The following SPMIP2 variants were observed in gnomAD, a reference collection of about 807,000 sequenced individuals.
SPMIP2 encodes the protein sperm microtubule inner protein 2.
At chr4:159,015,118 T>C in the SPMIP2 span, among the ~76,000 whole-genome samples, 1 of 152,242 alleles carries the variant, frequency 6.6e-6, no homozygotes. Flanking sequence ...TCGTCAGATG[T>C]TGACTGACTC....
the SPMIP2 span, among the ~76,000 whole-genome samples, chr4:158,970,064 G>A: frequency 3.3e-5 from 5 of 152,296 alleles, no homozygotes; most frequent in African/African-American, 9.6e-5. Context: ...TTGTGAGGGC[G>A]GCCCTGGGTT....
chr4:158,986,869 T>C, the SPMIP2 span, among the ~76,000 whole-genome samples: 16 of 144,398 alleles, frequency 1.1e-4, no homozygotes, highest in South Asian at 2.5e-3. Context: ...AGAAAATTTT[T>C]GCAACCTACT....
the SPMIP2 span, among the ~76,000 whole-genome samples, chr4:158,917,491 A>G: frequency 6.6e-6 from 1 of 151,748 alleles, no homozygotes. Context: ...TTTCAGACAC[A>G]CACAGTCCTT....
chr4:159,041,285 C>A, the SPMIP2 span, among the ~76,000 whole-genome samples: 1 of 152,108 alleles, frequency 6.6e-6, no homozygotes, highest in Non-Finnish European at 1.5e-5. Context: ...AACACTTAGG[C>A]TTTTTCTATG....
chr4:158,926,245 G>A, the SPMIP2 span, among the ~76,000 whole-genome samples: 59 of 150,114 alleles, frequency 3.9e-4, 1 homozygote, highest in East Asian at 9.2e-3. Context: ...TAGTTTGTAC[G>A]TCACTTTCCA....
the SPMIP2 span, among the ~76,000 whole-genome samples, chr4:158,963,968 A>G: frequency 6.6e-6 from 1 of 152,024 alleles, no homozygotes; most frequent in Non-Finnish European, 1.5e-5. Context: ...ATCCTGGCTG[A>G]TACGGTGAAA....
the SPMIP2 span, among the ~76,000 whole-genome samples, chr4:159,031,308 A>C: frequency 6.6e-6 from 1 of 152,210 alleles, no homozygotes; most frequent in East Asian, 1.9e-4. Context: ...ACTTGGCTAT[A>C]ATCAAGCCTC....
At chr4:159,007,134 TG>T in the SPMIP2 span, 1 of 680,188 alleles carries the variant, frequency 1.5e-6, no homozygotes, top group Non-Finnish European at 2.7e-6. Flanking sequence ...CCAAGCCGTG[TG>T]GGGTGCGCCT....
chr4:158,921,449 A>T, the SPMIP2 span, among the ~76,000 whole-genome samples: 96,646 of 151,088 alleles, frequency 0.64, 31,216 homozygotes, highest in East Asian at 0.89. Context: ...CTCAAAATTT[A>T]AAAAAAAAAG....
At chr4:158,930,524 G>A in the SPMIP2 span, among the ~76,000 whole-genome samples, 2 of 144,854 alleles carry the variant, frequency 1.4e-5, no homozygotes, top group African/African-American at 5.2e-5. Context: ...TTTTTTTTAA[G>A]AGATTCTGTC....
chr4:159,004,014 G>T, the SPMIP2 span, among the ~76,000 whole-genome samples: 5 of 151,744 alleles, frequency 3.3e-5, no homozygotes, highest in Non-Finnish European at 4.4e-5. Context: ...GGTTTTTTTT[G>T]TTGTTGTTTT....
chr4:159,017,206 T>C, the SPMIP2 span, among the ~76,000 whole-genome samples: 1 of 152,084 alleles, frequency 6.6e-6, no homozygotes, highest in African/African-American at 2.4e-5. Context: ...CAATGATAGG[T>C]TCCTTCTGCA....
chr4:158,931,167 G>A, the SPMIP2 span, among the ~76,000 whole-genome samples: 4 of 151,888 alleles, frequency 2.6e-5, no homozygotes, highest in African/African-American at 7.3e-5. Flanking sequence ...CAAGTTCACT[G>A]ATTACTTTTT....
chr4:159,006,800 G>A, the SPMIP2 span, among the ~76,000 whole-genome samples: 1 of 152,168 alleles, frequency 6.6e-6, no homozygotes, highest in African/African-American at 2.4e-5. Context: ...TCAAACACAG[G>A]TAGGACAACC....
At chr4:158,973,203 C>T in the SPMIP2 span, 1 of 1,613,618 alleles carries the variant, frequency 6.2e-7, no homozygotes, top group Non-Finnish European at 8.5e-7. Flanking sequence ...TGAGGCAGGC[C>T]TCCATAAATA....
At chr4:158,961,875 G>T in the SPMIP2 span, among the ~76,000 whole-genome samples, 1 of 152,026 alleles carries the variant, frequency 6.6e-6, no homozygotes, top group Middle Eastern at 3.5e-3. Flanking sequence ...ATAAAATTCA[G>T]ACTCAGATAA....
the SPMIP2 span, among the ~76,000 whole-genome samples, chr4:159,048,067 C>T: frequency 6.6e-6 from 1 of 152,158 alleles, no homozygotes; most frequent in African/African-American, 2.4e-5. Flanking sequence ...ATGCTTTTAG[C>T]GATGTTTTGC....
the SPMIP2 span, chr4:158,960,226 C>T: frequency 1.0e-6 from 1 of 1,001,306 alleles, no homozygotes; most frequent in Non-Finnish European, 1.5e-6. Context: ...AAAATGAATC[C>T]TGTTACCAAT....
At chr4:158,969,780 A>T in the SPMIP2 span, among the ~76,000 whole-genome samples, 1 of 152,190 alleles carries the variant, frequency 6.6e-6, no homozygotes, top group Non-Finnish European at 1.5e-5. Flanking sequence ...TGGAGCAGTA[A>T]ATTAGGCAGA....
Sources: gnomAD v4.1 joint callset for allele counts (sites outside exome capture counted in the v4.1 genomes callset) on GRCh38, gnomAD v4.1.1 for gene constraint, MANE v1.5 for transcripts, NCBI Gene and HGNC (gene_info 2026-07-23, HGNC 2026-07-21) for gene names.